ATAD2B: variants seen among roughly 807,000 people sequenced by gnomAD.
ATAD2B encodes the protein ATPase family AAA domain-containing protein 2B.
A neutral mutation model predicts 167.6 loss-of-function variants in ATAD2B; 40 were observed. That is an observed-to-expected ratio of 0.24 (90% CI 0.19 to 0.31). The LOEUF (loss-of-function observed/expected upper bound fraction) is 0.31. Ranked by LOEUF, ATAD2B falls within the 10% of genes least tolerant of loss-of-function variation. ATAD2B has a pLI of 1.00. For missense variants in ATAD2B, 1,242 were observed against 1,757.2 expected, an observed-to-expected ratio of 0.71 and a Z score of 5.24; for synonymous variants, 579 against 596.5, an observed-to-expected ratio of 0.97 and a Z score of 0.43.
intron 17 of ATAD2B, 52 bp downstream of exon 17, chr2:23,819,695 A>G: frequency 7.3e-7 from 1 of 1,363,988 alleles, no homozygotes; most frequent in Non-Finnish European, 1.0e-6. Flanking sequence ...TTCTAATCAT[A>G]AAGTATCAAA....
intron 18 of ATAD2B, among the ~76,000 whole-genome samples, chr2:23,804,634 G>A (rs572816348): frequency 6.6e-6 from 1 of 151,034 alleles, no homozygotes; most frequent in Non-Finnish European, 1.5e-5. Flanking sequence ...ATTCAAAGTT[G>A]GCCAAGCAGG....
chr2:23,818,413 A>G (rs375002710), intron 17 of ATAD2B, among the ~76,000 whole-genome samples: 2 of 151,370 alleles, frequency 1.3e-5, no homozygotes, highest in African/African-American at 4.9e-5. Context: ...CTATCAATAA[A>G]ACAAATCTGT....
intron 15 of ATAD2B, among the ~76,000 whole-genome samples, chr2:23,825,456 C>T (rs1337142838): frequency 1.3e-5 from 2 of 152,116 alleles, no homozygotes; most frequent in African/African-American, 4.8e-5. Context: ...ACCAAATTTA[C>T]CACTAGTGTC....
the ATAD2B span, chr2:23,693,522 C>G: frequency 5.0e-5 from 77 of 1,549,854 alleles, no homozygotes; most frequent in African/African-American, 1.0e-3. Flanking sequence ...CCGCGACACG[C>G]ACACAGGTGG....
chr2:23,926,995 G>T lies in ATAD2B; in HGVS notation c.-225C>A. ...GCGGGGGCGGTGCTGCAGACCGGCA[G>T]CACAGACACTCCGCCGGCTTCGCCC... On this transcript the variant is annotated 5_prime_UTR_variant, in exon 1 of 28. The change creates a new upstream start codon in the 5' untranslated region. Coordinates refer to ENST00000238789, the MANE Select transcript of ATAD2B (RefSeq NM_017552.4). 1 of 521,076 alleles carries T rather than the reference G, an allele frequency of 1.9e-6. No individual in the cohort carries two copies. The highest frequency in any genetic ancestry group is 3.3e-6 in the Non-Finnish European group (1 of 303,664). The allele number at this position is 521,076 out of a possible 1,614,324, so 32.3% of individuals were successfully genotyped here. A position where few individuals can be genotyped will look rare whatever the true frequency, so the allele number is the denominator to read the frequency against.
intron 1 of ATAD2B, among the ~76,000 whole-genome samples, chr2:23,897,592 G>T (rs552416628): frequency 6.6e-6 from 1 of 152,092 alleles, no homozygotes; most frequent in Non-Finnish European, 1.5e-5. Context: ...TCAGTATCAT[G>T]GATTCTTATT....
At chr2:23,718,765 T>C in the ATAD2B span, among the ~76,000 whole-genome samples, 1 of 152,252 alleles carries the variant, frequency 6.6e-6, no homozygotes, top group Non-Finnish European at 1.5e-5. Context: ...CTGGAGGCTC[T>C]AGGGAAGAAT....
the ATAD2B span, among the ~76,000 whole-genome samples, chr2:23,705,769 G>A: frequency 6.6e-6 from 1 of 152,214 alleles, no homozygotes; most frequent in Admixed American, 6.5e-5. Context: ...TGAAATGAAA[G>A]AGTGTCAGGG....
the ATAD2B span, chr2:23,708,717 A>AACTT: frequency 6.6e-6 from 1 of 152,240 alleles, no homozygotes; most frequent in Non-Finnish European, 1.5e-5. Flanking sequence ...TTTAGTGCAG[A>AACTT]ACTTAATGAT....
intron 2 of ATAD2B, among the ~76,000 whole-genome samples, chr2:23,894,247 C>A (rs1156874069): frequency 6.6e-6 from 1 of 151,700 alleles, no homozygotes; most frequent in African/African-American, 2.4e-5. Flanking sequence ...TTTGGGAGGT[C>A]GAGGCGGGTG....
chr2:23,862,119 T>C (rs72788206), intron 12 of ATAD2B, among the ~76,000 whole-genome samples: 28,409 of 151,622 alleles, frequency 0.19, 2,772 homozygotes, highest in Middle Eastern at 0.27. Context: ...ATCACTTGAG[T>C]CCAGGAGTTT....
chr2:23,871,743 C>T (rs1206479557), intron 8 of ATAD2B, among the ~76,000 whole-genome samples: 1 of 152,216 alleles, frequency 6.6e-6, no homozygotes, highest in Non-Finnish European at 1.5e-5. Context: ...GCCCACATGT[C>T]CCATTAGCAA....
intron 22 of ATAD2B, among the ~76,000 whole-genome samples, chr2:23,776,270 T>C (rs1385376967): frequency 6.6e-6 from 1 of 152,188 alleles, no homozygotes; most frequent in African/African-American, 2.4e-5. Flanking sequence ...GACCAAAACC[T>C]CAGGGATCAT....
chr2:23,880,721 T>TTCAACTTCTATATCTCCATCCTCC lies in ATAD2B; in HGVS notation c.795_818dup (p.Asp267_Glu274dup). 1 of 1,609,264 alleles carries TTCAACTTCTATATCTCCATCCTCC rather than the reference T, an allele frequency of 6.2e-7. No homozygotes were observed. The highest frequency in any genetic ancestry group is 8.5e-7 in the Non-Finnish European group (1 of 1,177,042). ...TATCATTTTCTTCTCCTTCTGCCTCTTCAACTTCTATATCTCCATCCTCCT... is the reference window on the plus strand; with the variant it reads ...TATCATTTTCTTCTCCTTCTGCCTCTTCAACTTCTATATCTCCATCCTCCTCAACTTCTATATCTCCATCCTCCT... On this transcript the variant is annotated inframe_insertion, in exon 7 of 28. Coordinates refer to ENST00000238789, the MANE Select transcript of ATAD2B (RefSeq NM_017552.4).
intron 10 of ATAD2B, among the ~76,000 whole-genome samples, chr2:23,867,252 C>T (rs936104475): frequency 6.6e-6 from 1 of 152,164 alleles, no homozygotes; most frequent in Non-Finnish European, 1.5e-5. Flanking sequence ...CCATCCAGAC[C>T]ATCCATTATC....
the ATAD2B span, among the ~76,000 whole-genome samples, chr2:23,738,803 C>G: frequency 6.6e-6 from 1 of 152,068 alleles, no homozygotes; most frequent in Non-Finnish European, 1.5e-5. Flanking sequence ...TTCAGGAAAC[C>G]CATCTCACGT....
chr2:23,810,987 G>C (rs973983555), intron 17 of ATAD2B, among the ~76,000 whole-genome samples: 2 of 151,542 alleles, frequency 1.3e-5, no homozygotes, highest in Non-Finnish European at 2.9e-5. Context: ...CTCCAGCCTG[G>C]GCAACAAGAG....
At chr2:23,899,488 A>C (rs1700542130) in intron 1 of ATAD2B, among the ~76,000 whole-genome samples, 1 of 152,234 alleles carries the variant, frequency 6.6e-6, no homozygotes, top group African/African-American at 2.4e-5. Context: ...TATATTCAGC[A>C]CAGGGTGGAA....
chr2:23,702,995 G>C, the ATAD2B span, among the ~76,000 whole-genome samples: 3 of 152,226 alleles, frequency 2.0e-5, no homozygotes, highest in Non-Finnish European at 4.4e-5. Context: ...AAGGCCGAGA[G>C]GGCTAGTTTG....
Sources: gnomAD v4.1 joint callset for allele counts (sites outside exome capture counted in the v4.1 genomes callset) on GRCh38, gnomAD v4.1.1 for gene constraint, MANE v1.5 for transcripts, NCBI Gene and HGNC (gene_info 2026-07-23, HGNC 2026-07-21) for gene names.